SSX3: variants seen among roughly 807,000 people sequenced by gnomAD.
SSX3 encodes SSX family member 3, also known as protein SSX3.
Under a neutral mutation model 14.8 loss-of-function variants are expected in SSX3, and 6 were observed. That is an observed-to-expected ratio of 0.41 (90% CI 0.22 to 0.80). The LOEUF is 0.80. Among genes scored for constraint, SSX3 ranks in the 30% least tolerant of loss-of-function variants. SSX3 has a pLI of 0.34. For missense variants in SSX3, 163 were observed against 152.2 expected, an observed-to-expected ratio of 1.07 and a Z score of -0.37; for synonymous variants, 55 against 52.9, an observed-to-expected ratio of 1.04 and a Z score of -0.18.
chrX:48,351,651 C>T (rs372521250), intron 5 of SSX3, among the ~76,000 whole-genome samples: 12 of 112,250 alleles, frequency 1.1e-4, no homozygotes, highest in African/African-American at 3.9e-4. Flanking sequence ...CTCTGTACCA[C>T]GATAGCCTCA....
rs1556949367 is a variant in SSX3, at chrX:48,350,141, A to G, written c.331-19T>C. The G allele has an allele frequency of 2.5e-6, 3 of 1,210,517 alleles. No individual in the cohort carries two copies. Among genetic ancestry groups the G allele is most frequent in the Admixed American group, 2.2e-5 (1 of 45,909 alleles). On this transcript the variant is annotated intron_variant, in intron 5 of 7. Transcript: ENST00000298396. ...GCATGATCTTTATAATGTGAAGGTC[A>G]TAGATAAATAGTATCAGTGACATTT...
At chrX:48,351,227 C>T (rs1372986933) in intron 5 of SSX3, among the ~76,000 whole-genome samples, 5 of 111,714 alleles carry the variant, frequency 4.5e-5, no homozygotes, top group African/African-American at 1.6e-4. Context: ...ATTCAGTCTC[C>T]ACACTGGCAA....
chrX:48,352,198 A>T, intron 4 of SSX3, 49 bp from the exon 5 acceptor site: 1 of 1,166,661 alleles, frequency 8.6e-7, no homozygotes, highest in Admixed American at 2.2e-5. Flanking sequence ...AGGTTTCCAA[A>T]CTCTAGAGAG....
Position 48,350,045 on chromosome X carries a change from C to T in SSX3, c.408G>A (p.Gly136=). 4 of 1,211,850 alleles carry T rather than the reference C, an allele frequency of 3.3e-6. No individual in the cohort carries two copies. The highest frequency in any genetic ancestry group is 4.5e-6 in the Non-Finnish European group (4 of 895,523). Residue 136 remains glycine, a synonymous_variant, in exon 6 of 8, where the codon GGG becomes GGA. Transcript: ENST00000298396. ...GTTTTCCCGGGGGGCACAGCTGTTT[C>T]CCATCGTTTTGTGGGCCAGATGCTT... ...VPEASGPQND[G]KQLCPPGKPT...
intron 5 of SSX3, among the ~76,000 whole-genome samples, chrX:48,350,950 T>C (rs1180309754): frequency 3.7e-5 from 4 of 109,396 alleles, no homozygotes; most frequent in Non-Finnish European, 7.6e-5. Flanking sequence ...TTTGTATTTT[T>C]AGTAGAGACG....
intron 1 of SSX3, 49 bp from the exon 2 acceptor site, chrX:48,355,318 T>C (rs2061282102): frequency 8.9e-7 from 1 of 1,120,478 alleles, no homozygotes; most frequent in Non-Finnish European, 1.2e-6. Context: ...CCTTTGGTCT[T>C]GTGGAGGGAG....
chrX:48,347,787 G>A (rs1407104886), intron 6 of SSX3, among the ~76,000 whole-genome samples, 183 bp from the exon 7 acceptor site: 2 of 112,160 alleles, frequency 1.8e-5, no homozygotes, highest in African/African-American at 6.5e-5. Flanking sequence ...TAGGCCAAAT[G>A]CCAATTAAAG....
rs2061240484 is a variant in SSX3, at chrX:48,346,599, G to T, written c.*441C>A. On this transcript the variant is annotated 3_prime_UTR_variant, in exon 8 of 8. Transcript: ENST00000298396. The stretch of plus-strand genomic sequence containing the variant: ...ACTTGGTGTGTGTCTGTGTGTGTGT[G>T]TGTGTGTGTGTGGTGTGGTTTGTGT... The T allele has an allele frequency of 3.3e-6, 1 of 300,306 alleles. No individual in the cohort carries two copies. Among genetic ancestry groups the T allele is most frequent in the Non-Finnish European group, 6.0e-6 (1 of 166,269 alleles). 24.7% of individuals were successfully genotyped at this position (300,306 alleles called of 1,213,427 possible).
chrX:48,348,347 T>C (rs1404749116), intron 6 of SSX3: 7 of 514,698 alleles, frequency 1.4e-5, no homozygotes, highest in South Asian at 2.5e-5. Flanking sequence ...ACTGCACCCA[T>C]AGAATATGAC....
chrX:48,350,176 T>C lies in SSX3; in HGVS notation c.331-54A>G, dbSNP rs782290784. On this transcript the variant is annotated intron_variant, in intron 5 of 7. Coordinates refer to ENST00000298396, the MANE Select transcript of SSX3 (RefSeq NM_021014.4). ...AGTATCAGTGACATTTCTATAGTGC[T>C]TTTGAGCTTACAAAGGGTCTTCACA... 126 of 1,198,028 alleles carry C rather than the reference T, an allele frequency of 1.1e-4. 2 individuals carry two copies. The South Asian group carries it at 2.0e-3, about 19-fold the overall frequency.
Position 48,350,085 on chromosome X carries a change from G to A in SSX3, c.368C>T (p.Ser123Leu), listed in dbSNP as rs782708555. ...GCCAGATGCTTCTGGCACTTCCTTC[G>A]AAACATTTCCTTCCTCTGCTGGCTT... is the stretch of plus-strand genomic sequence containing the variant. The part of the protein sequence containing the change: ...PKKPAEEGNV[S>L]KEVPEASGPQ... The change falls in exon 6 of 8, where the codon TCG becomes TTG. Residue 123 changes from serine (S) to leucine (L), a missense_variant. Physicochemically the swap from Ser to Leu is moderately radical, Grantham distance 145. Coordinates refer to ENST00000298396, the MANE Select transcript of SSX3 (RefSeq NM_021014.4). 7.4e-6 allele frequency: 9 copies of A among 1,210,016 alleles called. No homozygotes were observed. Among genetic ancestry groups the A allele is most frequent in the South Asian group, 3.5e-5 (2 of 56,777 alleles).
At chrX:48,352,210 C>A (rs1556950057) in intron 4 of SSX3, 61 bp from the exon 5 acceptor site, 1 of 1,139,210 alleles carries the variant, frequency 8.8e-7, no homozygotes, top group Non-Finnish European at 1.2e-6. Flanking sequence ...TCTAGAGAGA[C>A]TTCTGTCGCA....
intron 4 of SSX3, 102 bp downstream of exon 4, chrX:48,353,897 T>C: frequency 3.4e-6 from 3 of 881,020 alleles, no homozygotes; most frequent in Admixed American, 4.6e-5. Flanking sequence ...TCTGCCCCGA[T>C]GTGTATGAGG....
At chrX:48,351,553 C>T (rs1556949894) in intron 5 of SSX3, among the ~76,000 whole-genome samples, 1 of 112,565 alleles carries the variant, frequency 8.9e-6, no homozygotes, top group Non-Finnish European at 1.9e-5. Context: ...ACTTCATAAA[C>T]AAATGCAAAC....
chrX:48,348,774 G>A (rs2061249027), intron 6 of SSX3, among the ~76,000 whole-genome samples: 1 of 112,518 alleles, frequency 8.9e-6, no homozygotes, highest in South Asian at 3.7e-4. Flanking sequence ...CTCAAATAGA[G>A]AAAGTTTGAG....
Position 48,350,150 on chromosome X carries a change from T to C in SSX3, c.331-28A>G, listed in dbSNP as rs782074667. 19 of 1,207,312 alleles carry C rather than the reference T, an allele frequency of 1.6e-5. No individual in the cohort carries two copies. The Admixed American group carries it at 1.8e-4, about 11-fold the overall frequency. ...TTATAATGTGAAGGTCATAGATAAA[T>C]AGTATCAGTGACATTTCTATAGTGC... is the stretch of plus-strand genomic sequence containing the variant. On this transcript the variant is annotated intron_variant, in intron 5 of 7. Coordinates refer to ENST00000298396, the MANE Select transcript of SSX3 (RefSeq NM_021014.4).
intron 1 of SSX3, among the ~76,000 whole-genome samples, chrX:48,356,006 C>T (rs781893292): frequency 1.5e-4 from 17 of 110,930 alleles, no homozygotes; most frequent in African/African-American, 5.3e-4. Context: ...GCAAAACCCC[C>T]GTCTACAAAA....
intron 3 of SSX3, 81 bp from the exon 4 acceptor site, chrX:48,354,175 T>C (rs181697277): frequency 2.3e-6 from 2 of 885,858 alleles, no homozygotes; most frequent in African/African-American, 4.0e-5. Flanking sequence ...TACCAACACT[T>C]TGGGAGGCTA....
chrX:48,348,875 A>G (rs1325916116), intron 6 of SSX3, among the ~76,000 whole-genome samples: 1 of 112,153 alleles, frequency 8.9e-6, no homozygotes, highest in Non-Finnish European at 1.9e-5. Flanking sequence ...AAATCCATGA[A>G]AGCTGAGAGA....
Sources: allele counts gnomAD v4.1 joint callset (sites outside exome capture counted in the v4.1 genomes callset), GRCh38; gene constraint gnomAD v4.1.1; transcripts MANE v1.5; gene names NCBI Gene and HGNC (gene_info 2026-07-23, HGNC 2026-07-21).